Variants in CCT4 observed in about 807,000 individuals in gnomAD.
CCT4 encodes the protein chaperonin containing TCP1 subunit 4, also known as T-complex protein 1 subunit delta.
Under a neutral mutation model 62.5 loss-of-function variants are expected in CCT4, and 17 were observed. The observed-to-expected ratio is 0.27, with a 90% CI of 0.19 to 0.41. The LOEUF is 0.41. CCT4 is among the 10% of genes least tolerant of loss of function. The probability of loss-of-function intolerance (pLI) is 1.00; values close to 1 mark genes in which losing one functional copy is unlikely to be tolerated. For synonymous variants in CCT4, 250 were observed against 229.9 expected, an observed-to-expected ratio of 1.09 and a Z score of -0.79; for missense variants, 592 against 659.2, an observed-to-expected ratio of 0.90 and a Z score of 1.12.
chr2:61,873,432 G>T, intron 8 of CCT4, 139 bp from the exon 9 acceptor site: 1 of 578,890 alleles, frequency 1.7e-6, no homozygotes. Flanking sequence ...TACTAAGTTC[G>T]TAAGGTCAAA....
At chr2:61,874,175 A>G (rs1668947896) in intron 8 of CCT4, among the ~76,000 whole-genome samples, 1 of 152,212 alleles carries the variant, frequency 6.6e-6, no homozygotes, top group African/African-American at 2.4e-5. Flanking sequence ...CGGATAAGCA[A>G]ACTGAGTTTG....
chr2:61,873,820 C>T (rs550415057), intron 8 of CCT4, among the ~76,000 whole-genome samples: 1 of 152,248 alleles, frequency 6.6e-6, no homozygotes, highest in African/African-American at 2.4e-5. Context: ...CCCGCCTTGG[C>T]TTCCTAAAGT....
At chr2:61,877,601 CTT>C (rs1489977763) in intron 5 of CCT4, 87 bp from the exon 6 acceptor site, 61 of 1,085,134 alleles carry the variant, frequency 5.6e-5, no homozygotes, top group Non-Finnish European at 7.1e-5. Context: ...AAGAAAGACT[CTT>C]ATAATTTTTG....
intron 12 of CCT4, among the ~76,000 whole-genome samples, chr2:61,871,240 G>C (rs1461626913): frequency 6.6e-6 from 1 of 151,752 alleles, no homozygotes; most frequent in East Asian, 1.9e-4. Context: ...ATTTTGCCAT[G>C]TTGGCCAGGC....
intron 3 of CCT4, among the ~76,000 whole-genome samples, chr2:61,882,899 C>G (rs910565611): frequency 1.3e-5 from 2 of 151,634 alleles, no homozygotes; most frequent in African/African-American, 4.9e-5. Context: ...AACTCTTGGG[C>G]TCAAATAATC....
intron 5 of CCT4, among the ~76,000 whole-genome samples, chr2:61,877,723 C>A (rs1187538014): frequency 1.3e-5 from 2 of 152,026 alleles, no homozygotes; most frequent in Non-Finnish European, 2.9e-5. Flanking sequence ...TGTATGCTTG[C>A]TTTTTTCTTT....
intron 1 of CCT4, among the ~76,000 whole-genome samples, chr2:61,885,479 C>T (rs904973358): frequency 2.0e-5 from 3 of 152,126 alleles, no homozygotes; most frequent in East Asian, 3.9e-4. Flanking sequence ...GAGGCAATCT[C>T]GGCTCACTGC....
intron 7 of CCT4, 99 bp from the exon 8 acceptor site, chr2:61,876,333 A>G (rs1669000652): frequency 3.7e-6 from 3 of 813,148 alleles, no homozygotes; most frequent in Admixed American, 5.3e-5. Flanking sequence ...AAATTCAACC[A>G]AAACTATATC....
At chr2:61,878,132 C>T (rs990809083) in intron 5 of CCT4, among the ~76,000 whole-genome samples, 1 of 152,152 alleles carries the variant, frequency 6.6e-6, no homozygotes, top group Non-Finnish European at 1.5e-5. Context: ...AACAGTATCA[C>T]TTAGTGTCCC....
intron 1 of CCT4, chr2:61,885,597 A>T (rs1054709736): frequency 6.6e-6 from 1 of 152,138 alleles, no homozygotes; most frequent in Non-Finnish European, 1.5e-5. Context: ...ATTTTTTAGT[A>T]GAGATGGGGT....
Position 61,869,464 on chromosome 2 carries a change from C to T in CCT4, c.1581G>A (p.Arg527=). ...CCACATCATCTATTTTCAGAATGCT[C>T]CGAACAGTTTCAGTTGCAAGAGTCA... ...SALTLATETV[R]SILKIDDVVN... is the part of the protein sequence containing the mutation. The change falls in exon 13 of 14, where the codon CGG becomes CGA. Residue 527 remains arginine, a synonymous_variant. Coordinates refer to ENST00000394440, the MANE Select transcript of CCT4 (RefSeq NM_006430.4). 6.2e-7 allele frequency: 1 copy of T among 1,608,254 alleles called. No individual in the cohort carries two copies. Among genetic ancestry groups the T allele is most frequent in the South Asian group, 1.1e-5 (1 of 90,952 alleles).
chr2:61,886,858 C>G lies in CCT4; in HGVS notation c.127+1523G>C, dbSNP rs137857820. On this transcript the variant is annotated intron_variant, in intron 1 of 13. Coordinates refer to ENST00000394440, the MANE Select transcript of CCT4 (RefSeq NM_006430.4). ...CACGGCAACCTCCGCCTCCCAGGTT[C>G]AAGCTATTCCCCTGCCTCAGCCTCC... 5.0e-3 allele frequency among the ~76,000 whole-genome samples: 758 copies of G among 152,120 alleles called. 3 individuals carry two copies. The highest frequency in any genetic ancestry group is 0.018 in the African/African-American group (738 of 41,510).
chr2:61,873,540 T>C (rs1336533999), intron 8 of CCT4, among the ~76,000 whole-genome samples: 1 of 151,268 alleles, frequency 6.6e-6, no homozygotes, highest in Non-Finnish European at 1.5e-5. Context: ...AATAACTAGG[T>C]CATTATTTTT....
At chr2:61,880,604 C>T (rs902471928) in intron 3 of CCT4, among the ~76,000 whole-genome samples, 3 of 152,190 alleles carry the variant, frequency 2.0e-5, no homozygotes, top group African/African-American at 7.2e-5. Flanking sequence ...TCATCTCCCC[C>T]TGCCCTGCTA....
chr2:61,888,318 G>C, intron 1 of CCT4, 63 bp downstream of exon 1: 1 of 1,563,770 alleles, frequency 6.4e-7, no homozygotes, highest in Non-Finnish European at 8.7e-7. Flanking sequence ...ACCCGCTCAA[G>C]CCCACGATGA....
rs1233964158 is a variant in CCT4, at chr2:61,880,373, G to C, written c.292C>G (p.Gln98Glu). 3 of 1,605,258 alleles carry C rather than the reference G, an allele frequency of 1.9e-6. No individual in the cohort carries two copies. Among genetic ancestry groups the C allele is most frequent in the Non-Finnish European group, 1.7e-6 (2 of 1,176,608 alleles). Residue 98 changes from glutamine (Q) to glutamate (E), a missense_variant, in exon 4 of 14, where the codon CAA becomes GAA. This residue lies in a region of CCT4 where 522 missense variants were observed against 571.2 expected (regional missense o/e 0.91). Coordinates refer to ENST00000394440, the MANE Select transcript of CCT4 (RefSeq NM_006430.4). ...GTGCCATCTCCTGCTTCTATATCTTGAGCCTTAGACAGCTCCACCAGCTAA... is the reference window on the plus strand; with the variant it reads ...GTGCCATCTCCTGCTTCTATATCTTCAGCCTTAGACAGCTCCACCAGCTAA... ...ARMLVELSKA[Q>E]DIEAGDGTTS...
chr2:61,888,253 T>C (rs1227825005), intron 1 of CCT4, 128 bp downstream of exon 1: 1 of 1,154,944 alleles, frequency 8.7e-7, no homozygotes, highest in African/African-American at 1.6e-5. Flanking sequence ...TCCACTGGGC[T>C]GCTTCTATAG....
chr2:61,876,895 C>T, intron 7 of CCT4, 25 bp downstream of exon 7: 1 of 1,574,670 alleles, frequency 6.4e-7, no homozygotes. Flanking sequence ...ACACAGAGAA[C>T]CAATTTCATT....
intron 10 of CCT4, 93 bp downstream of exon 10, chr2:61,872,909 A>T: frequency 3.8e-6 from 3 of 784,068 alleles, no homozygotes; most frequent in Non-Finnish European, 4.5e-6. Flanking sequence ...CCTGGGCGAC[A>T]GAGTGAGACT....
Sources: gnomAD v4.1 joint callset for allele counts (sites outside exome capture counted in the v4.1 genomes callset) on GRCh38, gnomAD v4.1.1 for gene constraint, gnomAD v4.1.1 regional missense constraint, MANE v1.5 for transcripts, NCBI Gene and HGNC (gene_info 2026-07-23, HGNC 2026-07-21) for gene names.